ST18: variants seen among roughly 807,000 people sequenced by gnomAD.
ST18 encodes the protein suppression of tumorigenicity 18 protein.
ST18 carries 50 observed loss-of-function variants against 110.0 expected under a neutral mutation model. The observed-to-expected ratio is 0.45, with a 90% CI of 0.36 to 0.58. The LOEUF (loss-of-function observed/expected upper bound fraction) is 0.58, where lower values mean the gene tolerates loss of function less well. ST18 is among the 20% of genes least tolerant of loss of function. The pLI, the probability that ST18 is intolerant of heterozygous loss-of-function variation, is 0.00. For synonymous variants in ST18, 461 were observed against 452.4 expected, an observed-to-expected ratio of 1.02 and a Z score of -0.24; for missense variants, 1,306 against 1,280.1, an observed-to-expected ratio of 1.02 and a Z score of -0.31.
At position 52,389,450 on chromosome 8, in the gene ST18, A is replaced by G. The variant is rs1054664748; in HGVS notation, c.-465+19878T>C. ...AAACCCAGGGACGCCGGAATGCACG[A>G]CCCCATCGTCTTTGGTGGGGTCAAG... On this transcript the variant is annotated intron_variant, in intron 2 of 25. Transcript: ENST00000689386. Among the ~76,000 whole-genome samples the G allele has an allele frequency of 2.0e-5, 3 of 151,964 alleles. No homozygotes were observed. In the East Asian group the frequency reaches 5.8e-4, roughly 29 times the overall value.
chr8:52,142,108 A>C (rs1304766366), intron 17 of ST18, among the ~76,000 whole-genome samples: 3 of 152,058 alleles, frequency 2.0e-5, no homozygotes, highest in Non-Finnish European at 4.4e-5. Context: ...CTCCAGGACC[A>C]AGTTTCTGAC....
intron 5 of ST18, among the ~76,000 whole-genome samples, chr8:52,219,339 A>G (rs530011605): frequency 2.7e-4 from 41 of 151,900 alleles, no homozygotes; most frequent in Non-Finnish European, 5.6e-4. Context: ...TCATGCATTT[A>G]TTAATAACTC....
intron 2 of ST18, among the ~76,000 whole-genome samples, chr8:52,246,109 T>C (rs1324549545): frequency 1.3e-5 from 2 of 152,132 alleles, no homozygotes; most frequent in Non-Finnish European, 2.9e-5. Flanking sequence ...GTAAAGAAAT[T>C]CAGATATCTC....
At chr8:52,243,438 A>G (rs2093602313) in intron 2 of ST18, among the ~76,000 whole-genome samples, 1 of 152,150 alleles carries the variant, frequency 6.6e-6, no homozygotes, top group Non-Finnish European at 1.5e-5. Context: ...ATTTGACACT[A>G]TATTGCTGAC....
intron 2 of ST18, among the ~76,000 whole-genome samples, chr8:52,344,810 AG>A (rs1816951871): frequency 6.6e-6 from 1 of 152,252 alleles, no homozygotes; most frequent in Admixed American, 6.5e-5. Flanking sequence ...TTAACTATAA[AG>A]TTTTAATAAA....
intron 3 of ST18, among the ~76,000 whole-genome samples, chr8:52,226,793 A>G (rs1414147707): frequency 6.6e-6 from 1 of 152,216 alleles, no homozygotes; most frequent in Non-Finnish European, 1.5e-5. Context: ...TTGATTCACA[A>G]ATAAAGCTTT....
intron 23 of ST18, among the ~76,000 whole-genome samples, chr8:52,123,031 T>C (rs986838221): frequency 1.3e-5 from 2 of 152,184 alleles, no homozygotes; most frequent in African/African-American, 4.8e-5. Context: ...TGCTTGTTTC[T>C]ACAAAGCACA....
intron 2 of ST18, chr8:52,406,735 T>C (rs1029617497): frequency 4.6e-5 from 7 of 152,342 alleles, no homozygotes; most frequent in African/African-American, 1.7e-4. Context: ...TTCCTTTTGC[T>C]ACACACATTA....
intron 8 of ST18, among the ~76,000 whole-genome samples, chr8:52,200,124 A>T (rs1329449968): frequency 6.6e-6 from 1 of 152,150 alleles, no homozygotes; most frequent in Non-Finnish European, 1.5e-5. Flanking sequence ...GCACTATTCT[A>T]GATGTTGTGG....
intron 2 of ST18, among the ~76,000 whole-genome samples, chr8:52,236,800 T>C (rs2092746877): frequency 6.6e-6 from 1 of 152,054 alleles, no homozygotes; most frequent in Non-Finnish European, 1.5e-5. Flanking sequence ...GGAACACCAG[T>C]CATAAGAGCT....
chr8:52,178,634 A>C lies in ST18; in HGVS notation c.277+1488T>G, dbSNP rs1279317642. Among the ~76,000 whole-genome samples, 12 of 131,584 alleles carry C rather than the reference A, an allele frequency of 9.1e-5. 3 individuals carry two copies. In the East Asian group the frequency reaches 1.3e-3, roughly 14 times the overall value. 86.3% of individuals were successfully genotyped at this position (131,584 alleles called of 152,430 possible). A position where few individuals can be genotyped will look rare whatever the true frequency, so the allele number is the denominator to read the frequency against. Reference sequence around the variant, plus strand: ...TCCATCAAAAAAAAAAAAAAAAAAAAAAAAAAAAACCACCAAAAACCAAAA... The same window carrying C: ...TCCATCAAAAAAAAAAAAAAAAAAACAAAAAAAAACCACCAAAAACCAAAA... On this transcript the variant is annotated intron_variant, in intron 9 of 25. Coordinates refer to ENST00000689386, the MANE Select transcript of ST18 (RefSeq NM_001352837.2).
chr8:52,126,003 A>G, intron 23 of ST18, 49 bp downstream of exon 23: 1 of 1,491,518 alleles, frequency 6.7e-7, no homozygotes, highest in Non-Finnish European at 9.2e-7. Context: ...TTGGGGAGCC[A>G]GGGTCTACAC....
At chr8:52,274,421 C>A (rs888505269) in intron 2 of ST18, among the ~76,000 whole-genome samples, 1 of 150,482 alleles carries the variant, frequency 6.6e-6, no homozygotes, top group Non-Finnish European at 1.5e-5. Context: ...ATTTCCTTTA[C>A]CTGCAAACTT....
At chr8:52,147,519 TTAC>T (rs1329504103) in intron 16 of ST18, among the ~76,000 whole-genome samples, 1 of 152,118 alleles carries the variant, frequency 6.6e-6, no homozygotes, top group Non-Finnish European at 1.5e-5. Flanking sequence ...ATGTGTTTTG[TTAC>T]TACCCAGGAT....
intron 2 of ST18, among the ~76,000 whole-genome samples, chr8:52,391,249 T>C (rs1326662713): frequency 1.3e-5 from 2 of 152,204 alleles, no homozygotes; most frequent in Non-Finnish European, 2.9e-5. Flanking sequence ...TTCACAAATG[T>C]ATCTTTGCTT....
intron 2 of ST18, among the ~76,000 whole-genome samples, chr8:52,358,892 G>A (rs1318031086): frequency 6.6e-6 from 1 of 151,698 alleles, no homozygotes; most frequent in Admixed American, 6.6e-5. Context: ...TTATACCAAA[G>A]CCAGATAAAG....
chr8:52,329,141 TTG>T (rs1216023747), intron 2 of ST18, among the ~76,000 whole-genome samples: 9 of 152,060 alleles, frequency 5.9e-5, no homozygotes, highest in African/African-American at 1.9e-4. Context: ...GTGTGTCTAT[TTG>T]TGTGTGTTTG....
intron 19 of ST18, 25 bp from the exon 20 acceptor site, chr8:52,133,326 G>C: frequency 6.2e-7 from 1 of 1,614,020 alleles, no homozygotes; most frequent in Non-Finnish European, 8.5e-7. Flanking sequence ...AAGAGAGCAT[G>C]GGCTGAGAAG....
chr8:52,336,758 T>C (rs1459657479), intron 2 of ST18, among the ~76,000 whole-genome samples: 1 of 152,210 alleles, frequency 6.6e-6, no homozygotes, highest in Non-Finnish European at 1.5e-5. Flanking sequence ...AACACTGGAA[T>C]TGGGCAAGGA....
Sources: gnomAD v4.1 joint callset for allele counts (sites outside exome capture counted in the v4.1 genomes callset) on GRCh38, gnomAD v4.1.1 for gene constraint, MANE v1.5 for transcripts, NCBI Gene and HGNC (gene_info 2026-07-23, HGNC 2026-07-21) for gene names.